The following FAM131B variants were observed in gnomAD, a reference collection of about 807,000 sequenced individuals.
FAM131B encodes protein FAM131B.
A neutral mutation model predicts 42.0 loss-of-function variants in FAM131B; 19 were observed. The ratio of observed to expected loss-of-function variants is 0.45; its 90% confidence interval spans 0.32 to 0.66. The LOEUF is 0.66. FAM131B is among the 30% of genes least tolerant of loss of function. The pLI is 0.05. For synonymous variants in FAM131B, 183 were observed against 177.6 expected (o/e 1.03, Z -0.24); for missense variants, 370 against 468.4 (o/e 0.79, Z 1.94).
Position 143,359,405 on chromosome 7 carries a change from G to A in FAM131B, c.189C>T (p.Asp63=), listed in dbSNP as rs1461302654. ...SWDGINLSME[D]TTSILPKLKR... Reference sequence around the variant, plus strand: ...TAAGCTTCGGAAGAATGGAAGTGGTGTCCTCCATGGAGAGCTGGGATGGGA... The same window carrying A: ...TAAGCTTCGGAAGAATGGAAGTGGTATCCTCCATGGAGAGCTGGGATGGGA... Residue 63 remains aspartate (D), a synonymous_variant, in exon 4 of 7, where the codon GAC becomes GAT. Transcript: ENST00000443739. This position sits in a 1 kb window ranked among gnomAD's most constrained non-coding sequence, Gnocchi z 5.4. 1 of 1,613,328 alleles carries A rather than the reference G, an allele frequency of 6.2e-7. No individual in the cohort carries two copies. Among genetic ancestry groups the A allele is most frequent in the Admixed American group, 1.7e-5 (1 of 60,012 alleles).
At position 143,359,039 on chromosome 7, in the gene FAM131B, A is replaced by G; in HGVS notation, c.269-15T>C. 1 of 1,611,314 alleles carries G rather than the reference A, an allele frequency of 6.2e-7. No individual in the cohort carries two copies. Among genetic ancestry groups the G allele is most frequent in the African/African-American group, 1.3e-5 (1 of 74,966 alleles). On this transcript the variant is annotated splice_polypyrimidine_tract_variant and intron_variant, in intron 4 of 6. Transcript: ENST00000443739. This position sits in a 1 kb window ranked among gnomAD's most constrained non-coding sequence, Gnocchi z 5.4. ...CCGTGAGATCCCTATGGGGCCAGAC[A>G]TTTCCCACATCCTCCAGAATATCAC... is the stretch of plus-strand genomic sequence containing the variant.
chr7:143,380,200 G>A, the FAM131B span: 4 of 984,884 alleles, frequency 4.1e-6, no homozygotes, highest in Non-Finnish European at 4.8e-6. The surrounding 1 kb of genome is among the most constrained non-coding windows in gnomAD (Gnocchi z 5.0). Context: ...GAAAGAACTG[G>A]GGCCGAGATT....
In FAM131B at chr7:143,359,680, TGAG is replaced by T. The variant is rs1554441726; in HGVS notation, c.174+49_174+51del. 17 of 1,504,540 alleles carry T rather than the reference TGAG, an allele frequency of 1.1e-5. No homozygotes were observed. Among genetic ancestry groups the T allele is most frequent in the African/African-American group, 5.5e-5 (4 of 72,192 alleles). The allele number at this position is 1,504,540 out of a possible 1,614,324, so 93.2% of individuals were successfully genotyped here. A position where few individuals can be genotyped will look rare whatever the true frequency, so the allele number is the denominator to read the frequency against. On this transcript the variant is annotated intron_variant, in intron 3 of 6. Coordinates refer to ENST00000443739, the MANE Select transcript of FAM131B (RefSeq NM_001031690.3). This position sits in a 1 kb window ranked among gnomAD's most constrained non-coding sequence, Gnocchi z 5.4. Reference sequence around the variant, plus strand: ...TGGTTGGAAGGTGCAAGGGAGAAGATGAGGAGGAGGAGTTCGGGAGGATGGGGA... The same window carrying T: ...TGGTTGGAAGGTGCAAGGGAGAAGATGAGGAGGAGTTCGGGAGGATGGGGA...
the FAM131B span, among the ~76,000 whole-genome samples, chr7:143,369,287 T>C: frequency 6.6e-6 from 1 of 152,232 alleles, no homozygotes; most frequent in African/African-American, 2.4e-5. Flanking sequence ...TCTATGACTT[T>C]TATTATAACA....
chr7:143,371,501 C>A, the FAM131B span, among the ~76,000 whole-genome samples: 1 of 150,694 alleles, frequency 6.6e-6, no homozygotes, highest in Non-Finnish European at 1.5e-5. Flanking sequence ...GTGGTCCCAG[C>A]TACTTGAGAA....
At position 143,358,198 on chromosome 7, in the gene FAM131B, ACT is replaced by A. The variant is rs796788153; in HGVS notation, c.466+627_466+628del. Among the ~76,000 whole-genome samples the A allele has an allele frequency of 3.3e-5, 5 of 152,190 alleles. No individual in the cohort carries two copies. Among genetic ancestry groups the A allele is most frequent in the African/African-American group, 1.2e-4 (5 of 41,522 alleles). On this transcript the variant is annotated intron_variant, in intron 5 of 6. Coordinates refer to ENST00000443739, the MANE Select transcript of FAM131B (RefSeq NM_001031690.3). The surrounding 1 kb of genome is among the most constrained non-coding windows in gnomAD (Gnocchi z 4.7). Reference sequence around the variant, plus strand: ...ACCCTACATGTTTGTCACCCTGTTCACTGATATTTCTCCTCCCACCCATACCA... The same window carrying A: ...ACCCTACATGTTTGTCACCCTGTTCAGATATTTCTCCTCCCACCCATACCA...
the FAM131B span, among the ~76,000 whole-genome samples, chr7:143,370,711 A>G: frequency 1.5e-3 from 232 of 152,320 alleles, 1 homozygote; most frequent in Non-Finnish European, 2.1e-4. Flanking sequence ...ATAATTTAAA[A>G]AAATACACAC....
Position 143,355,391 on chromosome 7 carries a change from T to C in FAM131B, c.*1159A>G, listed in dbSNP as rs1031957056. ...GGCCTGGGGAGGCAGGGAGGACAGC[T>C]GTGAGGCTGTTTGGGAGTCCTGGGA... On this transcript the variant is annotated 3_prime_UTR_variant, in exon 7 of 7. Coordinates refer to ENST00000443739, the MANE Select transcript of FAM131B (RefSeq NM_001031690.3). The surrounding 1 kb of genome is among the most constrained non-coding windows in gnomAD (Gnocchi z 4.1). 2 of 152,476 alleles carry C rather than the reference T, an allele frequency of 1.3e-5. No homozygotes were observed. The highest frequency in any genetic ancestry group is 4.8e-5 in the African/African-American group (2 of 41,432). 9.4% of individuals were successfully genotyped at this position (152,476 alleles called of 1,614,324 possible).
chr7:143,366,779 A>C (rs1804191394), upstream of FAM131B, among the ~76,000 whole-genome samples: 1 of 152,162 alleles, frequency 6.6e-6, no homozygotes, highest in Non-Finnish European at 1.5e-5. Context: ...GCTGGTGTCG[A>C]ACTCCTGACC....
upstream of FAM131B, among the ~76,000 whole-genome samples, chr7:143,363,198 T>C (rs4726612): frequency 0.71 from 108,395 of 152,126 alleles, 39,151 homozygotes; most frequent in Middle Eastern, 0.86. Context: ...AGGAACGTGA[T>C]TGGACACAGC....
At chr7:143,361,949 C>A in intron 1 of FAM131B, 2 of 706,846 alleles carry the variant, frequency 2.8e-6, no homozygotes, top group Non-Finnish European at 3.5e-6. Flanking sequence ...TCCACCCGGC[C>A]CTGGCCCTGT....
At chr7:143,377,889 T>C in the FAM131B span, among the ~76,000 whole-genome samples, 4 of 152,074 alleles carry the variant, frequency 2.6e-5, no homozygotes, top group Admixed American at 2.0e-4. Context: ...AATTTTTGTA[T>C]TTTTAGTAGA....
intron 1 of FAM131B, chr7:143,360,416 T>C: frequency 4.5e-6 from 6 of 1,320,888 alleles, no homozygotes; most frequent in Non-Finnish European, 4.9e-6. Flanking sequence ...TTGGGTTTTA[T>C]CAGAAAACCA....
chr7:143,377,032 C>A, the FAM131B span, among the ~76,000 whole-genome samples: 2 of 152,128 alleles, frequency 1.3e-5, no homozygotes, highest in Non-Finnish European at 2.9e-5. Flanking sequence ...TGCAGTGGCA[C>A]GATCTCGATC....
intron 1 of FAM131B, chr7:143,360,785 T>C (rs1342956701): frequency 6.6e-6 from 1 of 152,336 alleles, no homozygotes; most frequent in Admixed American, 6.5e-5. Flanking sequence ...AAGAGAACTT[T>C]TTAAAATAGG....
At chr7:143,369,320 C>T in the FAM131B span, among the ~76,000 whole-genome samples, 1 of 152,130 alleles carries the variant, frequency 6.6e-6, no homozygotes, top group East Asian at 1.9e-4. Context: ...GAAATAAGCT[C>T]AGGCCTCATA....
the FAM131B span, among the ~76,000 whole-genome samples, chr7:143,373,111 C>G: frequency 1.3e-5 from 2 of 151,448 alleles, no homozygotes; most frequent in Admixed American, 6.6e-5. Context: ...GGCCAGGCAC[C>G]GTGGCTCACG....
chr7:143,380,621 G>A, the FAM131B span: 1 of 985,518 alleles, frequency 1.0e-6, no homozygotes, highest in Non-Finnish European at 1.2e-6. This position sits in a 1 kb window ranked among gnomAD's most constrained non-coding sequence, Gnocchi z 5.0. Context: ...TCTGCTGGCT[G>A]GGGCGCTGGG....
Position 143,359,403 on chromosome 7 carries a change from G to A in FAM131B, c.191C>T (p.Thr64Ile), listed in dbSNP as rs1803841721. The change falls in exon 4 of 7, where the codon ACC (threonine) becomes ATC (isoleucine). Residue 64 changes from threonine (T) to isoleucine (I), a missense_variant. Thr to Ile is a moderately conservative substitution (Grantham distance 89). Transcript: ENST00000443739. The surrounding 1 kb of genome is among the most constrained non-coding windows in gnomAD (Gnocchi z 5.4). Reference protein sequence around the residue: ...WDGINLSMEDTTSILPKLKRN... With the variant: ...WDGINLSMEDITSILPKLKRN... ...CTTAAGCTTCGGAAGAATGGAAGTG[G>A]TGTCCTCCATGGAGAGCTGGGATGG... 1 of 1,613,368 alleles carries A rather than the reference G, an allele frequency of 6.2e-7. No individual in the cohort carries two copies. The highest frequency in any genetic ancestry group is 8.5e-7 in the Non-Finnish European group (1 of 1,179,724).
Sources: gnomAD v4.1 joint callset for allele counts (sites outside exome capture counted in the v4.1 genomes callset) on GRCh38, gnomAD v4.1.1 for gene constraint, Gnocchi (gnomAD v3.1) non-coding constraint, MANE v1.5 for transcripts, NCBI Gene and HGNC (gene_info 2026-07-23, HGNC 2026-07-21) for gene names.